The following DIAPH2 variants were observed in gnomAD, a reference collection of about 807,000 sequenced individuals.
DIAPH2 encodes the protein protein diaphanous homolog 2.
A neutral mutation model predicts 92.7 loss-of-function variants in DIAPH2; 35 were observed. That is an observed-to-expected ratio of 0.38 (90% CI 0.29 to 0.50). The LOEUF (loss-of-function observed/expected upper bound fraction) is 0.50, where lower values mean the gene tolerates loss of function less well. DIAPH2 is among the 20% of genes least tolerant of loss of function. DIAPH2 has a pLI of 0.94. For synonymous variants in DIAPH2, 301 were observed against 280.4 expected (o/e 1.07, Z -0.73); for missense variants, 701 against 819.5 (o/e 0.86, Z 1.77).
rs187968043 is a variant in DIAPH2 at position 97,552,984 on chromosome X, G to A, written c.3242-46269G>A. Among the ~76,000 whole-genome samples, 4 of 111,482 alleles carry A rather than the reference G, an allele frequency of 3.6e-5. No homozygotes were observed. In the Admixed American group the frequency reaches 3.8e-4, roughly 11 times the overall value. ...CTGTCTCTATGCTCTGTGTACTAAG[G>A]ACACCAGTCAGATTTAACTTAATTA... On this transcript the variant is annotated intron_variant, in intron 26 of 26. Transcript: ENST00000324765.
At chrX:97,547,700 G>A in intron 26 of DIAPH2, among the ~76,000 whole-genome samples, 1 of 111,485 alleles carries the variant, frequency 9.0e-6, no homozygotes, top group East Asian at 2.8e-4. Flanking sequence ...CCCTCGTGAC[G>A]AACACTTTTT....
intron 26 of DIAPH2, among the ~76,000 whole-genome samples, chrX:97,430,131 G>A: frequency 8.9e-6 from 1 of 112,109 alleles, no homozygotes; most frequent in Non-Finnish European, 1.9e-5. Context: ...TAAGGAAACT[G>A]AGACAATGCT....
chrX:97,535,579 A>C (rs938055577), intron 26 of DIAPH2, among the ~76,000 whole-genome samples: 5 of 110,767 alleles, frequency 4.5e-5, no homozygotes, highest in Non-Finnish European at 9.5e-5. Flanking sequence ...AGCCTCTCAA[A>C]TAGATGGGAT....
chrX:97,067,041 G>A (rs2066638396), intron 17 of DIAPH2, among the ~76,000 whole-genome samples: 1 of 111,416 alleles, frequency 9.0e-6, no homozygotes, highest in Admixed American at 9.6e-5. Flanking sequence ...CTTGGTTAGT[G>A]TGCAGCTGTA....
chrX:97,229,703 A>G (rs1198687474), intron 22 of DIAPH2, among the ~76,000 whole-genome samples: 1 of 108,968 alleles, frequency 9.2e-6, no homozygotes, highest in East Asian at 2.8e-4. Context: ...ATGTGAGACT[A>G]GAAGACCATT....
At chrX:97,300,954 AAAAAAAAAAAAGAAG>A (rs2068695878) in intron 23 of DIAPH2, among the ~76,000 whole-genome samples, 1 of 63,765 alleles carries the variant, frequency 1.6e-5, no homozygotes, top group African/African-American at 4.9e-5. Flanking sequence ...AAAAAAAAAA[AAAAAAAAAAAAGAAG>A]AAGAAGAATG....
intron 4 of DIAPH2, among the ~76,000 whole-genome samples, chrX:96,865,076 G>A (rs747050909): frequency 8.9e-6 from 1 of 112,013 alleles, no homozygotes; most frequent in South Asian, 3.7e-4. Flanking sequence ...TTAAACCCCA[G>A]TTTATTAAGA....
At chrX:97,185,947 A>T (rs1247753454) in intron 22 of DIAPH2, among the ~76,000 whole-genome samples, 1 of 110,948 alleles carries the variant, frequency 9.0e-6, no homozygotes. Flanking sequence ...TAGTAATTGC[A>T]TCTTGCTGTG....
At chrX:96,748,418 T>C (rs1460460316) in intron 3 of DIAPH2, among the ~76,000 whole-genome samples, 2 of 111,971 alleles carry the variant, frequency 1.8e-5, no homozygotes, top group African/African-American at 6.5e-5. Flanking sequence ...CTTAGCCCTG[T>C]GTAGGGGCTC....
At chrX:97,281,600 C>T (rs1254878248) in intron 23 of DIAPH2, among the ~76,000 whole-genome samples, 33 of 109,806 alleles carry the variant, frequency 3.0e-4, no homozygotes, top group African/African-American at 1.1e-3. Context: ...AAAAATTAGC[C>T]GGGCGTGGCA....
chrX:97,257,538 A>T (rs1569342947), intron 23 of DIAPH2, among the ~76,000 whole-genome samples: 1 of 111,879 alleles, frequency 8.9e-6, no homozygotes, highest in Non-Finnish European at 1.9e-5. Context: ...TGTGCACAGC[A>T]ACTCTGTTCA....
chrX:97,179,999 C>T (rs2067525975), intron 22 of DIAPH2, among the ~76,000 whole-genome samples: 1 of 111,775 alleles, frequency 8.9e-6, no homozygotes, highest in Admixed American at 9.5e-5. Flanking sequence ...CCAGGTCCCT[C>T]CCATAATACA....
chrX:97,271,954 G>A (rs1024702620), intron 23 of DIAPH2, among the ~76,000 whole-genome samples: 1 of 110,283 alleles, frequency 9.1e-6, no homozygotes, highest in South Asian at 3.9e-4. Flanking sequence ...TTGTATGAAT[G>A]GGGCAAGGTA....
chrX:96,827,736 C>T (rs189587618), intron 4 of DIAPH2, among the ~76,000 whole-genome samples: 6 of 112,023 alleles, frequency 5.4e-5, no homozygotes, highest in Admixed American at 1.9e-4. Context: ...GTCCATTTGC[C>T]GTCAGAGTGA....
At chrX:97,207,949 C>T (rs779927711) in intron 22 of DIAPH2, among the ~76,000 whole-genome samples, 1 of 111,118 alleles carries the variant, frequency 9.0e-6, no homozygotes, top group Non-Finnish European at 1.9e-5. Context: ...GTCAGGAGTT[C>T]GAGACCAGCC....
intron 4 of DIAPH2, among the ~76,000 whole-genome samples, chrX:96,843,004 A>G (rs1217147741): frequency 1.8e-5 from 2 of 111,711 alleles, no homozygotes; most frequent in African/African-American, 6.5e-5. Context: ...ATACTGATAC[A>G]GTTTGGATGT....
chrX:96,897,262 T>G (rs1182095850), intron 5 of DIAPH2, among the ~76,000 whole-genome samples: 1 of 111,565 alleles, frequency 9.0e-6, no homozygotes, highest in African/African-American at 3.3e-5. Context: ...GAGATTTTAG[T>G]GCAGACATCA....
chrX:97,248,320 G>T (rs947669320), intron 23 of DIAPH2, among the ~76,000 whole-genome samples: 2 of 111,059 alleles, frequency 1.8e-5, no homozygotes, highest in Non-Finnish European at 3.8e-5. Flanking sequence ...ATACATGGTT[G>T]GATGGATAGA....
At chrX:97,012,819 G>T (rs2066236382) in intron 17 of DIAPH2, among the ~76,000 whole-genome samples, 1 of 112,424 alleles carries the variant, frequency 8.9e-6, no homozygotes, top group African/African-American at 3.2e-5. Context: ...AGGAACCATA[G>T]TGGGTGGTTC....
Sources: gnomAD v4.1 joint callset for allele counts (sites outside exome capture counted in the v4.1 genomes callset) on GRCh38, gnomAD v4.1.1 for gene constraint, MANE v1.5 for transcripts, NCBI Gene and HGNC (gene_info 2026-07-23, HGNC 2026-07-21) for gene names.